LRRC24: variants seen among roughly 807,000 people sequenced by gnomAD.
The protein encoded by LRRC24 is leucine-rich repeat-containing protein 24.
A neutral mutation model predicts 15.3 loss-of-function variants in LRRC24; 19 were observed. That is an observed-to-expected ratio of 1.25 (90% CI 0.87 to 1.83). The LOEUF is 1.83. Among genes scored for constraint, LRRC24 ranks in the 40% most tolerant of loss-of-function variants. The pLI, the probability that LRRC24 is intolerant of heterozygous loss-of-function variation, is 0.00. For synonymous variants in LRRC24, 469 were observed against 359.6 expected (o/e 1.30, Z -3.44); for missense variants, 914 against 723.9 (o/e 1.26, Z -3.01).
Position 144,522,960 on chromosome 8 carries a change from C to A in LRRC24, c.1057G>T (p.Ala353Ser), listed in dbSNP as rs192682217. Reference sequence around the variant, plus strand: ...AGGAGCCGGAAGGGCACGCGGGCAGCGCCGCCGGCGTTGGAGGCCTCGCAC... The same window carrying A: ...AGGAGCCGGAAGGGCACGCGGGCAGAGCCGCCGGCGTTGGAGGCCTCGCAC... ...YECEASNAGG[A>S]ARVPFRLLVN... is the part of the protein sequence containing the mutation. Residue 353 changes from alanine to serine, a missense_variant, in exon 5 of 5, where the codon GCT becomes TCT. Coordinates refer to ENST00000529415, the MANE Select transcript of LRRC24 (RefSeq NM_001024678.4). 207 of 1,577,698 alleles carry A rather than the reference C, an allele frequency of 1.3e-4. 1 individual carries two copies. In the African/African-American group the frequency reaches 1.5e-3, roughly 12 times the overall value.
At position 144,524,286 on chromosome 8, in the gene LRRC24, A is replaced by G. The variant is rs1816259092; in HGVS notation, c.439-8T>C. 2 of 1,611,008 alleles carry G rather than the reference A, an allele frequency of 1.2e-6. No individual in the cohort carries two copies. The highest frequency in any genetic ancestry group is 1.7e-4 in the Middle Eastern group (1 of 6,060). On this transcript the variant is annotated splice_region_variant and splice_polypyrimidine_tract_variant and intron_variant, in intron 3 of 4. Coordinates refer to ENST00000529415, the MANE Select transcript of LRRC24 (RefSeq NM_001024678.4). ...GTGAAGCTCCTGCAGTCGCTGAAGTAAGGACAGCAGATCGTGAGGAAAAAG... is the reference window on the plus strand; with the variant it reads ...GTGAAGCTCCTGCAGTCGCTGAAGTGAGGACAGCAGATCGTGAGGAAAAAG...
chr8:144,523,182 C>T lies in LRRC24; in HGVS notation c.835G>A (p.Val279Ile), dbSNP rs767098485. 7 of 1,609,804 alleles carry T rather than the reference C, an allele frequency of 4.3e-6. No individual in the cohort carries two copies. In the South Asian group the frequency reaches 5.5e-5, roughly 13 times the overall value. The change falls in exon 5 of 5, where the codon GTT (valine) becomes ATT (isoleucine). Residue 279 changes from valine to isoleucine, a missense_variant. Transcript: ENST00000529415. ...LTANLGEDLR[V>I]ACQASGYPQP... is the part of the protein sequence containing the mutation. ...GGGTAGCCGGAGGCTTGGCAGGCAACCCGCAGGTCCTCACCCAGGTTGGCT... is the reference window on the plus strand; with the variant it reads ...GGGTAGCCGGAGGCTTGGCAGGCAATCCGCAGGTCCTCACCCAGGTTGGCT...
chr8:144,522,922 G>T lies in LRRC24; in HGVS notation c.1095C>A (p.Ser365=), dbSNP rs1449366849. The T allele has an allele frequency of 6.8e-7, 1 of 1,467,000 alleles. No individual in the cohort carries two copies. Among genetic ancestry groups the T allele is most frequent in the South Asian group, 1.3e-5 (1 of 74,706 alleles). The allele number at this position is 1,467,000 out of a possible 1,614,324, so 90.9% of individuals were successfully genotyped here. A position where few individuals can be genotyped will look rare whatever the true frequency, so the allele number is the denominator to read the frequency against. ...RVPFRLLVNA[S]RQQPQQPAQP... ...GCGCGGGCTGCTGCGGCTGCTGCCG[G>T]GACGCGTTGACCAGGAGCCGGAAGG... Residue 365 remains serine, a synonymous_variant, in exon 5 of 5, where the codon TCC becomes TCA. Transcript: ENST00000529415.
At position 144,522,841 on chromosome 8, in the gene LRRC24, G is replaced by T. The variant is rs1229201853; in HGVS notation, c.1176C>A (p.Gly392=). The part of the protein sequence containing the change: ...PAGSEPRPEA[G]SMAFRALGVA... ...CGCCCAGGGCGCGGAAGGCCATGCTGCCCGCCTCGGGCCGGGGCTCGCTGC... is the reference window on the plus strand; with the variant it reads ...CGCCCAGGGCGCGGAAGGCCATGCTTCCCGCCTCGGGCCGGGGCTCGCTGC... The change falls in exon 5 of 5, where the codon GGC becomes GGA. Residue 392 remains glycine (G), a synonymous_variant. Coordinates refer to ENST00000529415, the MANE Select transcript of LRRC24 (RefSeq NM_001024678.4). 7.3e-7 allele frequency: 1 copy of T among 1,374,140 alleles called. No homozygotes were observed. The highest frequency in any genetic ancestry group is 9.4e-7 in the Non-Finnish European group (1 of 1,066,206). The allele number at this position is 1,374,140 out of a possible 1,614,324, so 85.1% of individuals were successfully genotyped here. A position where few individuals can be genotyped will look rare whatever the true frequency, so the allele number is the denominator to read the frequency against.
rs753859048 is a variant in LRRC24, at chr8:144,524,073, G to A, written c.607+37C>T. On this transcript the variant is annotated intron_variant, in intron 4 of 4. Transcript: ENST00000529415. Reference sequence around the variant, plus strand: ...GAGCCTGCTCCCTACTGCCAACACCGTGGCCCAGACAGAGACGCTTTCCGA... The same window carrying A: ...GAGCCTGCTCCCTACTGCCAACACCATGGCCCAGACAGAGACGCTTTCCGA... 1.9e-6 allele frequency: 3 copies of A among 1,584,764 alleles called. No individual in the cohort carries two copies. The African/African-American group carries it at 4.1e-5, about 21-fold the overall frequency.
intron 1 of LRRC24, chr8:144,526,675 CCT>C (rs1816372885): frequency 6.6e-6 from 1 of 152,244 alleles, no homozygotes; most frequent in Non-Finnish European, 1.5e-5. Flanking sequence ...GATGGAACGC[CCT>C]GTGTCTGCCT....
Position 144,522,619 on chromosome 8 carries a change from G to T in LRRC24, c.1398C>A (p.Arg466=). ...GGTTGATGACGAACATCTCGTGGCC[G>T]CGCTCGTCGCGGAGCTCCTCTAGCT... ...FAQLEELRDE[R]GHEMFVINRS... The change falls in exon 5 of 5, where the codon CGC becomes CGA. Residue 466 remains arginine, a synonymous_variant. Transcript: ENST00000529415. 6.4e-7 allele frequency: 1 copy of T among 1,573,028 alleles called. No individual in the cohort carries two copies. Among genetic ancestry groups the T allele is most frequent in the Non-Finnish European group, 8.6e-7 (1 of 1,162,092 alleles).
Position 144,522,478 on chromosome 8 carries a change from G to T in LRRC24, c.1539C>A (p.Cys513Ter), listed in dbSNP as rs1816139124. 1 of 1,480,776 alleles carries T rather than the reference G, an allele frequency of 6.8e-7. No homozygotes were observed. Among genetic ancestry groups the T allele is most frequent in the Non-Finnish European group, 8.9e-7 (1 of 1,123,750 alleles). The allele number at this position is 1,480,776 out of a possible 1,614,324, so 91.7% of individuals were successfully genotyped here. ...CGTCATCCGCGCGCCCGCGGCCCTA[G>T]CAGTGGATCTCGTAGGCGACCGGCG... Reference protein sequence around the residue: ...VPPPVAYEIHC With the variant: ...VPPPVAYEIH The change falls in exon 5 of 5, where the codon TGC becomes TGA. Residue 513 changes from cysteine to a stop codon, truncating the protein, a stop_gained. Transcript: ENST00000529415. LOFTEE classifies it high-confidence loss of function.
Position 144,522,926 on chromosome 8 carries a change from G to C in LRRC24, c.1091C>G (p.Ala364Gly), listed in dbSNP as rs1195883954. Residue 364 changes from alanine (A) to glycine (G), a missense_variant, in exon 5 of 5, where the codon GCG becomes GGG. By Grantham distance (60) the Ala-to-Gly change is moderately conservative. Transcript: ENST00000529415. The stretch of plus-strand genomic sequence containing the variant: ...GGGCTGCTGCGGCTGCTGCCGGGAC[G>C]CGTTGACCAGGAGCCGGAAGGGCAC... ...ARVPFRLLVN[A>G]SRQQPQQPAQ... 2.7e-6 allele frequency: 4 copies of C among 1,500,732 alleles called. No individual in the cohort carries two copies. Among genetic ancestry groups the C allele is most frequent in the African/African-American group, 2.9e-5 (2 of 69,094 alleles). 93.0% of individuals were successfully genotyped at this position (1,500,732 alleles called of 1,614,324 possible). A position where few individuals can be genotyped will look rare whatever the true frequency, so the allele number is the denominator to read the frequency against.
chr8:144,525,206 G>T (rs751462945), intron 1 of LRRC24, 173 bp from the exon 2 acceptor site: 12 of 427,068 alleles, frequency 2.8e-5, no homozygotes, highest in Non-Finnish European at 4.4e-5. Flanking sequence ...GGGGCATCAG[G>T]TTCAAATTTA....
rs1273209468 is a variant in LRRC24 at position 144,522,562 on chromosome 8, C to T, written c.1455G>A (p.Ala485=). Residue 485 remains alanine, a synonymous_variant, in exon 5 of 5, where the codon GCG becomes GCA. Coordinates refer to ENST00000529415, the MANE Select transcript of LRRC24 (RefSeq NM_001024678.4). ...RSKPLFAEGP[A]EAPADCGPEQ... ...CCGGGCCGCAGTCAGCGGGCGCCTC[C>T]GCCGGACCCTCGGCGAAGAGCGGCT... 15 of 1,547,260 alleles carry T rather than the reference C, an allele frequency of 9.7e-6. No homozygotes were observed. Among genetic ancestry groups the T allele is most frequent in the Admixed American group, 2.0e-5 (1 of 51,234 alleles).
In LRRC24 at chr8:144,522,644, T is replaced by C. The variant is rs377237052; in HGVS notation, c.1373A>G (p.Gln458Arg). 3.2e-6 allele frequency: 5 copies of C among 1,585,606 alleles called. No homozygotes were observed. In the African/African-American group the frequency reaches 4.1e-5, roughly 13 times the overall value. Residue 458 changes from glutamine to arginine, a missense_variant, in exon 5 of 5, where the codon CAG becomes CGG. Coordinates refer to ENST00000529415, the MANE Select transcript of LRRC24 (RefSeq NM_001024678.4). ...DYLDGPCTFA[Q>R]LEELRDERGH... ...GCGCTCGTCGCGGAGCTCCTCTAGC[T>C]GTGCGAACGTACAGGGGCCGTCCAA... is the stretch of plus-strand genomic sequence containing the variant.
Position 144,522,470 on chromosome 8 carries a change from C to T in LRRC24, c.*5G>A, listed in dbSNP as rs1214482242. 2 of 1,422,482 alleles carry T rather than the reference C, an allele frequency of 1.4e-6. No homozygotes were observed. Among genetic ancestry groups the T allele is most frequent in the East Asian group, 2.9e-5 (1 of 34,156 alleles). 88.1% of individuals were successfully genotyped at this position (1,422,482 alleles called of 1,614,324 possible). On this transcript the variant is annotated 3_prime_UTR_variant, in exon 5 of 5. Transcript: ENST00000529415. ...GGCGCCCACGTCATCCGCGCGCCCG[C>T]GGCCCTAGCAGTGGATCTCGTAGGC...
rs764566147 is a variant in LRRC24, at chr8:144,523,082, C to G, written c.935G>C (p.Gly312Ala). 6.2e-7 allele frequency: 1 copy of G among 1,608,290 alleles called. No homozygotes were observed. Among genetic ancestry groups the G allele is most frequent in the Non-Finnish European group, 8.5e-7 (1 of 1,179,112 alleles). Residue 312 changes from glycine to alanine, a missense_variant, in exon 5 of 5, where the codon GGC becomes GCC. Coordinates refer to ENST00000529415, the MANE Select transcript of LRRC24 (RefSeq NM_001024678.4). ...GRPRAQAQLE[G>A]GLLGLGGHSA... ...GTGTCCGCCCAGGCCCAGCAACCCG[C>G]CTTCTAGCTGGGCCTGGGCTCGCGG...
In LRRC24 at chr8:144,523,356, C is replaced by G; in HGVS notation, c.661G>C (p.Glu221Gln). Residue 221 changes from glutamate (E) to glutamine (Q), a missense_variant, in exon 5 of 5, where the codon GAG (glutamate) becomes CAG (glutamine). Glu to Gln is a conservative substitution (Grantham distance 29, BLOSUM62 2). Coordinates refer to ENST00000529415, the MANE Select transcript of LRRC24 (RefSeq NM_001024678.4). ...ALHWLGAWIK[E>Q]GGQRLLTSRD... ...GAGGTGAGCAGCCGCTGGCCGCCCT[C>G]CTTGATCCAGGCACCCAGCCAGTGC... 3.2e-6 allele frequency: 5 copies of G among 1,581,592 alleles called. No homozygotes were observed. The highest frequency in any genetic ancestry group is 4.3e-6 in the Non-Finnish European group (5 of 1,160,494).
At position 144,524,627 on chromosome 8, in the gene LRRC24, G is replaced by A. The variant is rs1816284245; in HGVS notation, c.252C>T (p.Asn84=). 1 of 1,522,480 alleles carries A rather than the reference G, an allele frequency of 6.6e-7. No individual in the cohort carries two copies. The highest frequency in any genetic ancestry group is 8.7e-7 in the Non-Finnish European group (1 of 1,142,928). 94.3% of individuals were successfully genotyped at this position (1,522,480 alleles called of 1,614,324 possible). A position where few individuals can be genotyped will look rare whatever the true frequency, so the allele number is the denominator to read the frequency against. The change falls in exon 3 of 5, where the codon AAC becomes AAT. Residue 84 remains asparagine (N), a synonymous_variant. Transcript: ENST00000529415. ...CGCCGGCCTCCAGGGCGCGCAGGCT[G>A]TTGTTGTGCAGGTAGAGCCGGCGCA... ...AALRRLYLHN[N]SLRALEAGAF...
chr8:144,524,174 C>T lies in LRRC24; in HGVS notation c.543G>A (p.Gln181=). 1 of 1,611,294 alleles carries T rather than the reference C, an allele frequency of 6.2e-7. No individual in the cohort carries two copies. Among genetic ancestry groups the T allele is most frequent in the Non-Finnish European group, 8.5e-7 (1 of 1,178,822 alleles). ...GGGCCTCTCGGCTGATGGTGCCCAGCTGGTTCCTGCTGAGGTCCAGCAGTG... is the reference window on the plus strand; with the variant it reads ...GGGCCTCTCGGCTGATGGTGCCCAGTTGGTTCCTGCTGAGGTCCAGCAGTG... ...SLALLDLSRN[Q]LGTISREALQ... Residue 181 remains glutamine, a synonymous_variant, in exon 4 of 5, where the codon CAG becomes CAA. Transcript: ENST00000529415.
In LRRC24 at chr8:144,524,234, C is replaced by T. The variant is rs779515172; in HGVS notation, c.483G>A (p.Leu161=). 18 of 1,612,546 alleles carry T rather than the reference C, an allele frequency of 1.1e-5. No homozygotes were observed. Among genetic ancestry groups the T allele is most frequent in the South Asian group, 2.2e-5 (2 of 91,092 alleles). Residue 161 remains leucine (L), a synonymous_variant, in exon 4 of 5, where the codon CTG becomes CTA. Coordinates refer to ENST00000529415, the MANE Select transcript of LRRC24 (RefSeq NM_001024678.4). ...LHLQENSIEL[L]EDQALAGLSS... is the part of the protein sequence containing the mutation. ...ACAGCCCCGCTAGAGCCTGGTCCTC[C>T]AGCAGCTCAATGCTGTTTTCTTGCA...
At chr8:144,524,419 C>A in intron 3 of LRRC24, 22 bp downstream of exon 3, 2 of 1,596,978 alleles carry the variant, frequency 1.3e-6, no homozygotes, top group South Asian at 1.1e-5. Flanking sequence ...GTATCCCGCC[C>A]CTTTAGACCC....
Sources: gnomAD v4.1 joint callset for allele counts on GRCh38, gnomAD v4.1.1 for gene constraint, MANE v1.5 for transcripts, NCBI Gene and HGNC (gene_info 2026-07-23, HGNC 2026-07-21) for gene names.